The following CHKA variants were observed in gnomAD, a reference collection of about 807,000 sequenced individuals.
CHKA encodes the protein CHETK-alpha.
Under a neutral mutation model 60.1 loss-of-function variants are expected in CHKA, and 34 were observed. That is an observed-to-expected ratio of 0.57 (90% CI 0.43 to 0.75). The LOEUF (loss-of-function observed/expected upper bound fraction) is 0.75, where lower values mean the gene tolerates loss of function less well. Ranked by LOEUF, CHKA falls within the 30% of genes least tolerant of loss-of-function variation. The probability of loss-of-function intolerance (pLI) is 0.00; values close to 1 mark genes in which losing one functional copy is unlikely to be tolerated. For synonymous variants in CHKA, 217 were observed against 223.1 expected, an observed-to-expected ratio of 0.97 and a Z score of 0.24; for missense variants, 563 against 561.3, an observed-to-expected ratio of 1.00 and a Z score of -0.03.
intron 6 of CHKA, among the ~76,000 whole-genome samples, chr11:68,069,463 G>A (rs752244520): frequency 2.6e-5 from 4 of 152,040 alleles, no homozygotes; most frequent in South Asian, 2.1e-4. Context: ...GAGGTGGGCC[G>A]ATCACGAGGT....
At chr11:68,120,736 C>CGGGG in intron 1 of CHKA, 92 bp downstream of exon 1, 1 of 240,274 alleles carries the variant, frequency 4.2e-6, no homozygotes, top group Non-Finnish European at 7.4e-6. Flanking sequence ...GGCCCCCGAC[C>CGGGG]CCCCCGGCCC....
intron 11 of CHKA, among the ~76,000 whole-genome samples, chr11:68,060,273 C>T (rs1402444363): frequency 6.6e-6 from 1 of 151,818 alleles, no homozygotes; most frequent in Non-Finnish European, 1.5e-5. Flanking sequence ...ACCTCGTGAT[C>T]CGCCCGCCTC....
intron 2 of CHKA, among the ~76,000 whole-genome samples, chr11:68,083,903 A>AT (rs1457022327): frequency 6.6e-6 from 1 of 152,150 alleles, no homozygotes; most frequent in Non-Finnish European, 1.5e-5. Flanking sequence ...GTGTATATTC[A>AT]TGGAAAGGTA....
intron 3 of CHKA, 126 bp downstream of exon 3, chr11:68,081,278 C>T: frequency 1.4e-6 from 1 of 700,938 alleles, no homozygotes; most frequent in Non-Finnish European, 2.5e-6. Context: ...AAGAGCCCCT[C>T]CTCGTAGAAA....
chr11:68,078,528 G>C (rs1267077897), intron 3 of CHKA, among the ~76,000 whole-genome samples: 1 of 152,234 alleles, frequency 6.6e-6, no homozygotes, highest in Admixed American at 6.5e-5. Flanking sequence ...ACGGGAGAGA[G>C]AAGTGGTTGA....
At chr11:68,106,383 T>C (rs1001510073) in intron 1 of CHKA, among the ~76,000 whole-genome samples, 1 of 152,052 alleles carries the variant, frequency 6.6e-6, no homozygotes, top group African/African-American at 2.4e-5. Context: ...AGACTCGATC[T>C]CTACAATTTT....
At chr11:68,113,009 G>A (rs1445156619) in intron 1 of CHKA, among the ~76,000 whole-genome samples, 1 of 140,874 alleles carries the variant, frequency 7.1e-6, no homozygotes, top group Non-Finnish European at 1.5e-5. Flanking sequence ...GTGAAACCGG[G>A]AGACGGAGCT....
intron 1 of CHKA, among the ~76,000 whole-genome samples, chr11:68,111,816 G>A (rs1858154963): frequency 6.6e-6 from 1 of 152,036 alleles, no homozygotes; most frequent in Non-Finnish European, 1.5e-5. Flanking sequence ...CACTTTGGGA[G>A]GCTGAGGCGG....
chr11:68,115,095 G>T (rs1858333540), intron 1 of CHKA, among the ~76,000 whole-genome samples: 1 of 152,164 alleles, frequency 6.6e-6, no homozygotes, highest in African/African-American at 2.4e-5. Context: ...TAAATTACAT[G>T]AAATATTTAA....
intron 2 of CHKA, 160 bp from the exon 3 acceptor site, chr11:68,081,617 C>G (rs1856991783): frequency 1.7e-6 from 1 of 592,584 alleles, no homozygotes; most frequent in African/African-American, 1.9e-5. Flanking sequence ...AATGCACCAG[C>G]AGCCTCCAGC....
rs757588762 is a variant in CHKA, at chr11:68,061,991, C to A, written c.1276G>T (p.Val426Leu). Residue 426 changes from valine (V) to leucine (L), a missense_variant, in exon 11 of 12, where the codon GTA (valine) becomes TTA (leucine). By Grantham distance (32) the Val-to-Leu change is conservative. Coordinates refer to ENST00000265689, the MANE Select transcript of CHKA (RefSeq NM_001277.3). ...SHFLWGLWSI[V>L]QAKISSIEFG... ...TCAATAGATGAAATCTTGGCTTGTACAATGGACCACAGTCCCCAGAGGAAA... is the reference window on the plus strand; with the variant it reads ...TCAATAGATGAAATCTTGGCTTGTAAAATGGACCACAGTCCCCAGAGGAAA... The A allele has an allele frequency of 2.5e-6, 4 of 1,598,368 alleles. No homozygotes were observed. In the South Asian group the frequency reaches 4.5e-5, roughly 18 times the overall value.
chr11:68,108,992 A>T (rs1858024723), intron 1 of CHKA, among the ~76,000 whole-genome samples: 1 of 147,592 alleles, frequency 6.8e-6, no homozygotes, highest in Non-Finnish European at 1.5e-5. Flanking sequence ...CAGGAGCTCT[A>T]CGAGTTCCTT....
chr11:68,053,970 A>C lies in CHKA; in HGVS notation c.*18T>G, dbSNP rs915045568. 12 of 1,610,980 alleles carry C rather than the reference A, an allele frequency of 7.4e-6. No homozygotes were observed. The African/African-American group carries it at 1.6e-4, about 22-fold the overall frequency. On this transcript the variant is annotated 3_prime_UTR_variant, in exon 12 of 12. Transcript: ENST00000265689. ...CCCATGCAGTCCAGTGATGAGGTGG[A>C]TGGAGTCCTCCCCACAGTCACACCC...
rs561027768 is a variant in CHKA at position 68,076,674 on chromosome 11, A to G, written c.517-1844T>C. On this transcript the variant is annotated intron_variant, in intron 3 of 11. Transcript: ENST00000265689. ...GTTCAGCATTTTGCACATCATGTCCACTGGGAAGGATTCTCGGAGGTGACT... is the reference window on the plus strand; with the variant it reads ...GTTCAGCATTTTGCACATCATGTCCGCTGGGAAGGATTCTCGGAGGTGACT... 4.0e-5 allele frequency among the ~76,000 whole-genome samples: 6 copies of G among 151,806 alleles called. No individual in the cohort carries two copies. The East Asian group carries it at 1.2e-3, about 29-fold the overall frequency.
At chr11:68,054,156 G>A in intron 11 of CHKA, 109 bp from the exon 12 acceptor site, 3 of 893,160 alleles carry the variant, frequency 3.4e-6, no homozygotes, top group East Asian at 2.6e-5. Context: ...ACGGACCCAT[G>A]AGACCAAAAG....
intron 1 of CHKA, among the ~76,000 whole-genome samples, chr11:68,105,960 C>T (rs960600969): frequency 6.6e-6 from 1 of 152,060 alleles, no homozygotes; most frequent in African/African-American, 2.4e-5. Flanking sequence ...AAAAAAATCA[C>T]GACATAACCA....
chr11:68,074,193 G>A (rs946626729), intron 4 of CHKA, among the ~76,000 whole-genome samples: 4 of 152,236 alleles, frequency 2.6e-5, no homozygotes, highest in Admixed American at 2.6e-4. Context: ...AATCCTGACT[G>A]CTTAGAAATA....
rs181608400 is a variant in CHKA, at chr11:68,106,148, G to A, written c.351-9018C>T. ...TTCAAATTGCAGCTATGGCTCAGGT[G>A]AAAAAAACAGTGCTGCAGTAAAACA... On this transcript the variant is annotated intron_variant, in intron 1 of 11. Transcript: ENST00000265689. Among the ~76,000 whole-genome samples the A allele has an allele frequency of 3.3e-5, 5 of 152,250 alleles. No individual in the cohort carries two copies. The East Asian group carries it at 9.6e-4, about 29-fold the overall frequency.
At chr11:68,096,984 G>A (rs1278578238) in intron 2 of CHKA, 35 bp downstream of exon 2, 1 of 1,448,078 alleles carries the variant, frequency 6.9e-7, no homozygotes, top group Non-Finnish European at 9.7e-7. Flanking sequence ...AATGTTAACA[G>A]GATCCCCCCC....
Sources: allele counts gnomAD v4.1 joint callset (sites outside exome capture counted in the v4.1 genomes callset), GRCh38; gene constraint gnomAD v4.1.1; transcripts MANE v1.5; gene names NCBI Gene and HGNC (gene_info 2026-07-23, HGNC 2026-07-21).